RBFOX3: variants seen among roughly 807,000 people sequenced by gnomAD.
The protein encoded by RBFOX3 is RNA binding protein fox-1 homolog 3.
Under a neutral mutation model 48.7 loss-of-function variants are expected in RBFOX3, and 17 were observed. That is an observed-to-expected ratio of 0.35 (90% CI 0.24 to 0.52). The LOEUF (loss-of-function observed/expected upper bound fraction) is 0.52, where lower values mean the gene tolerates loss of function less well. Among genes scored for constraint, RBFOX3 ranks in the 20% least tolerant of loss-of-function variants. RBFOX3 has a pLI of 0.94. For synonymous variants in RBFOX3, 212 were observed against 209.5 expected (o/e 1.01, Z -0.10); for missense variants, 382 against 497.5 (o/e 0.77, Z 2.21).
At position 79,200,000 on chromosome 17, in the gene RBFOX3, A is replaced by G. The variant is rs1293336097; in HGVS notation, c.-34+35766T>C. ...ACATGGTGAAACTCCGTCTCTACCA[A>G]AAGTACAAAAAAATTAGCTAGGTGT... On this transcript the variant is annotated intron_variant, in intron 4 of 14. Transcript: ENST00000693108. This position sits in a 1 kb window ranked among gnomAD's most constrained non-coding sequence, Gnocchi z 5.1. Among the ~76,000 whole-genome samples, 1 of 152,134 alleles carries G rather than the reference A, an allele frequency of 6.6e-6. No homozygotes were observed. The highest frequency in any genetic ancestry group is 1.5e-5 in the Non-Finnish European group (1 of 68,034).
rs1267532785 is a variant in RBFOX3, at chr17:79,103,535, G to A, written c.415-281C>T. 6.6e-6 allele frequency among the ~76,000 whole-genome samples: 1 copy of A among 152,154 alleles called. No homozygotes were observed. Among genetic ancestry groups the A allele is most frequent in the Non-Finnish European group, 1.5e-5 (1 of 68,006 alleles). On this transcript the variant is annotated intron_variant, in intron 7 of 14. Coordinates refer to ENST00000693108, the MANE Select transcript of RBFOX3 (RefSeq NM_001350451.2). The surrounding 1 kb of genome is among the most constrained non-coding windows in gnomAD (Gnocchi z 6.1). ...TCACCCGGCATCTCCAAAGGGACAG[G>A]CCAAAGCCACATAAGAGACGCCATA... is the stretch of plus-strand genomic sequence containing the variant.
intron 3 of RBFOX3, chr17:79,298,379 G>C (rs183660193): frequency 6.6e-6 from 1 of 152,200 alleles, no homozygotes; most frequent in African/African-American, 2.4e-5. Flanking sequence ...GCACAGAGGC[G>C]GTGCTGGGAG....
At chr17:79,092,738 A>C in intron 14 of RBFOX3, 41 of 614,312 alleles carry the variant, frequency 6.7e-5, no homozygotes, top group Non-Finnish European at 8.2e-5. Flanking sequence ...AAAAAGAGAA[A>C]TAGCCAAGTC....
At chr17:79,145,819 A>G (rs2042924861) in intron 4 of RBFOX3, among the ~76,000 whole-genome samples, 1 of 152,150 alleles carries the variant, frequency 6.6e-6, no homozygotes, top group Non-Finnish European at 1.5e-5. Flanking sequence ...TGCAGGGGAC[A>G]TTTGATGACT....
chr17:79,408,030 C>G (rs2063775236), intron 2 of RBFOX3, among the ~76,000 whole-genome samples: 1 of 152,144 alleles, frequency 6.6e-6, no homozygotes, highest in African/African-American at 2.4e-5. Flanking sequence ...CTGGAGCCCG[C>G]CAGCCCCACT....
chr17:79,442,055 C>T (rs1555735146), intron 2 of RBFOX3, among the ~76,000 whole-genome samples: 1 of 151,616 alleles, frequency 6.6e-6, no homozygotes, highest in Admixed American at 6.6e-5. Flanking sequence ...AGATGCTCTT[C>T]AAAGGCCCTG....
chr17:79,444,607 A>C (rs1361578121), intron 2 of RBFOX3, among the ~76,000 whole-genome samples: 1 of 151,940 alleles, frequency 6.6e-6, no homozygotes, highest in Non-Finnish European at 1.5e-5. Flanking sequence ...CTGTCCCCTG[A>C]TGTGACCTGG....
chr17:79,548,428 C>G (rs1408774114), intron 1 of RBFOX3, among the ~76,000 whole-genome samples: 1 of 152,254 alleles, frequency 6.6e-6, no homozygotes, highest in African/African-American at 2.4e-5. Flanking sequence ...CAGCAGCCCC[C>G]ATCTTCTCCA....
intron 4 of RBFOX3, among the ~76,000 whole-genome samples, chr17:79,135,529 A>G (rs1391648283): frequency 1.3e-5 from 2 of 152,128 alleles, no homozygotes; most frequent in African/African-American, 2.4e-5. Context: ...GGCTTCCAAC[A>G]GGGGGGCATC....
intron 14 of RBFOX3, 124 bp from the exon 15 acceptor site, chr17:79,091,009 C>T: frequency 4.2e-6 from 4 of 955,542 alleles, no homozygotes; most frequent in Non-Finnish European, 6.2e-6. Context: ...ACACCTGCCC[C>T]CCAGGTTTCC....
chr17:79,163,348 T>G (rs2047356064), intron 4 of RBFOX3, among the ~76,000 whole-genome samples: 1 of 152,170 alleles, frequency 6.6e-6, no homozygotes, highest in Admixed American at 6.5e-5. Flanking sequence ...AGGGGAGGTG[T>G]GGACCCCAAG....
chr17:79,175,903 G>C (rs1401075399), intron 4 of RBFOX3, among the ~76,000 whole-genome samples: 1 of 152,226 alleles, frequency 6.6e-6, no homozygotes, highest in Non-Finnish European at 1.5e-5. Context: ...GGGCAAGACG[G>C]CTGGTGGACT....
intron 2 of RBFOX3, among the ~76,000 whole-genome samples, chr17:79,324,895 A>C (rs1028907921): frequency 3.3e-5 from 5 of 152,250 alleles, no homozygotes; most frequent in African/African-American, 1.2e-4. Flanking sequence ...CCCACAGTCC[A>C]AGGTGGGGTC....
chr17:79,354,953 A>G (rs1424690980), intron 2 of RBFOX3, among the ~76,000 whole-genome samples: 1 of 152,228 alleles, frequency 6.6e-6, no homozygotes, highest in Admixed American at 6.5e-5. Flanking sequence ...GGCGTCAGCT[A>G]ACAGCGGGCT....
chr17:79,526,174 G>A (rs1043323997), intron 1 of RBFOX3, among the ~76,000 whole-genome samples: 26 of 152,338 alleles, frequency 1.7e-4, no homozygotes, highest in African/African-American at 5.8e-4. Flanking sequence ...CTAGCAAGTT[G>A]TGTGGCCCCA....
chr17:79,434,005 A>G (rs1555729750), intron 2 of RBFOX3, among the ~76,000 whole-genome samples: 1 of 152,198 alleles, frequency 6.6e-6, no homozygotes, highest in African/African-American at 2.4e-5. Flanking sequence ...TTTCTCCATA[A>G]GACACGTCAC....
chr17:79,611,333 T>C (rs1316237354), upstream of RBFOX3, among the ~76,000 whole-genome samples: 4 of 151,322 alleles, frequency 2.6e-5, no homozygotes, highest in African/African-American at 9.7e-5. Flanking sequence ...GCTCTGGCTG[T>C]CGCGCGGCCG....
intron 3 of RBFOX3, among the ~76,000 whole-genome samples, chr17:79,275,643 G>C (rs964292623): frequency 6.6e-6 from 1 of 152,202 alleles, no homozygotes; most frequent in Non-Finnish European, 1.5e-5. Flanking sequence ...CACTGTGCCT[G>C]GCTCTCTGCC....
At chr17:79,521,727 G>GCA (rs1160232700) in intron 1 of RBFOX3, among the ~76,000 whole-genome samples, 2 of 150,844 alleles carry the variant, frequency 1.3e-5, no homozygotes, top group East Asian at 2.0e-4. Flanking sequence ...ATTCACACAG[G>GCA]CACACACACA....
Sources: allele counts gnomAD v4.1 joint callset (sites outside exome capture counted in the v4.1 genomes callset), GRCh38; gene constraint gnomAD v4.1.1; non-coding constraint Gnocchi (gnomAD v3.1); transcripts MANE v1.5; gene names NCBI Gene and HGNC (gene_info 2026-07-23, HGNC 2026-07-21).